The following NKAIN2 variants were observed in gnomAD, a reference collection of about 807,000 sequenced individuals.
The protein encoded by NKAIN2 is sodium/potassium-transporting ATPase subunit beta-1-interacting protein 2.
NKAIN2 carries 14 observed loss-of-function variants against 32.6 expected under a neutral mutation model. That is an observed-to-expected ratio of 0.43 (90% CI 0.28 to 0.67). The LOEUF (loss-of-function observed/expected upper bound fraction) is 0.67, where lower values mean the gene tolerates loss of function less well. NKAIN2 is among the 30% of genes least tolerant of loss of function. The probability of loss-of-function intolerance (pLI) is 0.17; values close to 1 mark genes in which losing one functional copy is unlikely to be tolerated. For synonymous variants in NKAIN2, 80 were observed against 87.2 expected (o/e 0.92, Z 0.46); for missense variants, 198 against 258.3 (o/e 0.77, Z 1.60).
At chr6:124,293,784 T>C (rs2114955321) in intron 2 of NKAIN2, among the ~76,000 whole-genome samples, 1 of 152,270 alleles carries the variant, frequency 6.6e-6, no homozygotes, top group Non-Finnish European at 1.5e-5. Flanking sequence ...GCTCATTTCA[T>C]GTATTAATAT....
At chr6:124,005,574 T>A (rs1016124067) in intron 1 of NKAIN2, among the ~76,000 whole-genome samples, 1 of 152,272 alleles carries the variant, frequency 6.6e-6, no homozygotes, top group Middle Eastern at 3.4e-3. Flanking sequence ...TTTTTATGTA[T>A]TATTTTATAC....
intron 4 of NKAIN2, among the ~76,000 whole-genome samples, chr6:124,692,229 A>G (rs1261830545): frequency 3.3e-5 from 5 of 152,228 alleles, no homozygotes; most frequent in Non-Finnish European, 5.9e-5. Context: ...AAATATTTTC[A>G]TAACGGCTAA....
intron 1 of NKAIN2, among the ~76,000 whole-genome samples, chr6:124,263,893 A>C (rs1258084315): frequency 6.6e-6 from 1 of 152,202 alleles, no homozygotes; most frequent in Non-Finnish European, 1.5e-5. Context: ...CAAGCAATCT[A>C]TATGGGTGAG....
At chr6:124,393,641 C>T (rs1012841866) in intron 3 of NKAIN2, among the ~76,000 whole-genome samples, 2 of 152,100 alleles carry the variant, frequency 1.3e-5, no homozygotes, top group African/African-American at 4.8e-5. Context: ...GGTACTGGTA[C>T]AGATGGTGAG....
intron 3 of NKAIN2, among the ~76,000 whole-genome samples, chr6:124,474,578 T>C (rs1777108840): frequency 6.6e-6 from 1 of 152,014 alleles, no homozygotes; most frequent in Non-Finnish European, 1.5e-5. Flanking sequence ...ATACTTTCAA[T>C]TAAAAATGCA....
intron 1 of NKAIN2, among the ~76,000 whole-genome samples, chr6:123,991,944 T>G (rs1779431458): frequency 6.6e-6 from 1 of 152,160 alleles, no homozygotes; most frequent in Admixed American, 6.5e-5. Context: ...AAGTCTCATT[T>G]TCTTCTATAG....
intron 3 of NKAIN2, among the ~76,000 whole-genome samples, chr6:124,412,181 C>G (rs1289768145): frequency 6.6e-6 from 1 of 152,202 alleles, no homozygotes; most frequent in Non-Finnish European, 1.5e-5. Flanking sequence ...CTCAACTCCT[C>G]AAAGTCAGTC....
At chr6:124,127,241 A>G (rs1015444198) in intron 1 of NKAIN2, among the ~76,000 whole-genome samples, 33 of 152,320 alleles carry the variant, frequency 2.2e-4, no homozygotes, top group African/African-American at 6.5e-4. Flanking sequence ...CAGCTGTCCC[A>G]GGCAAGAGAA....
chr6:124,267,318 C>T (rs1794538144), intron 1 of NKAIN2, among the ~76,000 whole-genome samples: 1 of 152,028 alleles, frequency 6.6e-6, no homozygotes, highest in Non-Finnish European at 1.5e-5. Context: ...CTTTAGGCTT[C>T]TATTTCTTCC....
chr6:123,965,100 A>C (rs543098460), intron 1 of NKAIN2, among the ~76,000 whole-genome samples: 5 of 152,140 alleles, frequency 3.3e-5, no homozygotes, highest in African/African-American at 9.6e-5. Flanking sequence ...TCTTCATAGC[A>C]TGAGTGCCCT....
chr6:123,997,602 T>C (rs1015208984), intron 1 of NKAIN2, among the ~76,000 whole-genome samples: 11 of 133,070 alleles, frequency 8.3e-5, no homozygotes, highest in Admixed American at 2.2e-4. Flanking sequence ...TTATTCTTTT[T>C]TTTTTTTTTT....
chr6:124,712,411 C>T lies in NKAIN2; in HGVS notation c.474+54025C>T, dbSNP rs1311778829. Among the ~76,000 whole-genome samples the T allele has an allele frequency of 2.6e-5, 3 of 116,152 alleles. 1 individual carries two copies. Among genetic ancestry groups the T allele is most frequent in the African/African-American group, 1.1e-4 (3 of 27,998 alleles). 76.2% of individuals were successfully genotyped at this position (116,152 alleles called of 152,430 possible). On this transcript the variant is annotated intron_variant, in intron 4 of 6. Coordinates refer to ENST00000368417, the MANE Select transcript of NKAIN2 (RefSeq NM_001040214.3). ...CCTGGGCAATGGCGGGCGCCCCTCC[C>T]CCAGGCTCGCTGCCGCCTTGCAGTT...
chr6:124,657,391 G>A (rs186138874), intron 3 of NKAIN2, among the ~76,000 whole-genome samples: 2 of 152,186 alleles, frequency 1.3e-5, no homozygotes, highest in East Asian at 1.9e-4. Context: ...ATTTGCCCAT[G>A]TGCCATTGAT....
intron 3 of NKAIN2, among the ~76,000 whole-genome samples, chr6:124,456,462 A>T (rs1327892118): frequency 6.6e-6 from 1 of 151,988 alleles, no homozygotes; most frequent in Non-Finnish European, 1.5e-5. Context: ...ATTTTTAGGT[A>T]TGAAGACCAC....
At chr6:124,092,289 C>T (rs1056621450) in intron 1 of NKAIN2, among the ~76,000 whole-genome samples, 2 of 151,892 alleles carry the variant, frequency 1.3e-5, no homozygotes, top group Non-Finnish European at 2.9e-5. Flanking sequence ...TTATGTCTCA[C>T]CCAGAGTGTG....
chr6:124,576,438 G>GT (rs1230487461), intron 3 of NKAIN2, among the ~76,000 whole-genome samples: 1 of 152,282 alleles, frequency 6.6e-6, no homozygotes, highest in African/African-American at 2.4e-5. Context: ...CTAAGCAAAA[G>GT]TTAGAATTTT....
At chr6:124,579,899 T>G (rs1420190257) in intron 3 of NKAIN2, among the ~76,000 whole-genome samples, 1 of 152,170 alleles carries the variant, frequency 6.6e-6, no homozygotes, top group Non-Finnish European at 1.5e-5. Flanking sequence ...CAGTGGAAAC[T>G]TTACAGGGCA....
At chr6:124,192,344 CTTT>C (rs1790061007) in intron 1 of NKAIN2, among the ~76,000 whole-genome samples, 1 of 152,056 alleles carries the variant, frequency 6.6e-6, no homozygotes, top group African/African-American at 2.4e-5. Context: ...GTGATTACTT[CTTT>C]GATTTATAGA....
intron 3 of NKAIN2, among the ~76,000 whole-genome samples, chr6:124,639,308 GA>G (rs1428198312): frequency 6.6e-6 from 1 of 152,202 alleles, no homozygotes; most frequent in Non-Finnish European, 1.5e-5. Flanking sequence ...TGGAGATACA[GA>G]ATCAACCTAA....
Sources: gnomAD v4.1 joint callset for allele counts (sites outside exome capture counted in the v4.1 genomes callset) on GRCh38, gnomAD v4.1.1 for gene constraint, MANE v1.5 for transcripts, NCBI Gene and HGNC (gene_info 2026-07-23, HGNC 2026-07-21) for gene names.